Variants in SIGLEC15 observed in about 807,000 individuals in gnomAD.
SIGLEC15 encodes the protein sialic acid-binding Ig-like lectin 15.
SIGLEC15 carries 31 observed loss-of-function variants against 26.2 expected under a neutral mutation model. The observed-to-expected ratio is 1.18, with a 90% CI of 0.89 to 1.60. The LOEUF (loss-of-function observed/expected upper bound fraction) is 1.60, where lower values mean the gene tolerates loss of function less well. Ranked by LOEUF, SIGLEC15 falls within the 40% of genes most tolerant of loss-of-function variation. SIGLEC15 has a pLI of 0.00. For missense variants in SIGLEC15, 501 were observed against 488.4 expected, an observed-to-expected ratio of 1.03 and a Z score of -0.24; for synonymous variants, 207 against 221.9, an observed-to-expected ratio of 0.93 and a Z score of 0.60.
chr18:45,829,019 G>A (rs929706166), intron 1 of SIGLEC15: 12 of 888,760 alleles, frequency 1.4e-5, no homozygotes, highest in East Asian at 1.2e-4. Flanking sequence ...TATCTGGGGC[G>A]GGAAGGGGAG....
At chr18:45,831,688 C>T (rs558405546) in intron 1 of SIGLEC15, among the ~76,000 whole-genome samples, 93 of 151,762 alleles carry the variant, frequency 6.1e-4, no homozygotes, top group African/African-American at 2.1e-3. Context: ...TATACTTCAG[C>T]TGGTCCAACA....
intron 5 of SIGLEC15, 152 bp from the exon 6 acceptor site, chr18:45,841,954 C>A: frequency 1.4e-6 from 1 of 715,532 alleles, no homozygotes; most frequent in Non-Finnish European, 2.4e-6. Context: ...CTCTGCCCAG[C>A]CTCCGATGCC....
intron 3 of SIGLEC15, among the ~76,000 whole-genome samples, chr18:45,838,159 C>T (rs1234660166): frequency 1.3e-5 from 2 of 152,206 alleles, no homozygotes; most frequent in Non-Finnish European, 2.9e-5. Flanking sequence ...AGTGACTGTC[C>T]CCAGTGGCTC....
chr18:45,835,507 G>A (rs1049882969), intron 1 of SIGLEC15, among the ~76,000 whole-genome samples: 1 of 152,120 alleles, frequency 6.6e-6, no homozygotes, highest in Non-Finnish European at 1.5e-5. Flanking sequence ...CTCAGGAAGA[G>A]AAGAGAAAAA....
intron 1 of SIGLEC15, among the ~76,000 whole-genome samples, chr18:45,826,694 T>C (rs940920214): frequency 6.6e-6 from 1 of 152,146 alleles, no homozygotes. Context: ...CCTGAGCTGT[T>C]AGTCAACATT....
chr18:45,840,296 A>C, intron 5 of SIGLEC15, 55 bp downstream of exon 5: 1 of 1,558,812 alleles, frequency 6.4e-7, no homozygotes, highest in Non-Finnish European at 8.7e-7. Flanking sequence ...AGTCCTCATC[A>C]CCCAGGGGGT....
chr18:45,827,551 C>A (rs960353482), intron 1 of SIGLEC15, among the ~76,000 whole-genome samples: 1 of 152,190 alleles, frequency 6.6e-6, no homozygotes, highest in African/African-American at 2.4e-5. Context: ...CTGAAGCCCA[C>A]CTCTGCTGTT....
intron 4 of SIGLEC15, 67 bp downstream of exon 4, chr18:45,839,162 C>T (rs917940155): frequency 1.5e-6 from 2 of 1,338,758 alleles, no homozygotes; most frequent in South Asian, 2.0e-5. Context: ...TTAGATAAGA[C>T]CACCTGGCTG....
chr18:45,843,002 C>A lies in SIGLEC15; in HGVS notation c.*815C>A, dbSNP rs2048338052. The A allele has an allele frequency of 6.6e-6, 1 of 152,330 alleles. No individual in the cohort carries two copies. The highest frequency in any genetic ancestry group is 1.5e-5 in the Non-Finnish European group (1 of 68,128). 9.4% of individuals were successfully genotyped at this position (152,330 alleles called of 1,614,324 possible). ...GGATCTCCACTGTGACTGTCCCACACCCTCTGCCCAACTCTTGCCCCATCA... is the reference window on the plus strand; with the variant it reads ...GGATCTCCACTGTGACTGTCCCACAACCTCTGCCCAACTCTTGCCCCATCA... On this transcript the variant is annotated 3_prime_UTR_variant, in exon 6 of 6. Transcript: ENST00000389474.
intron 1 of SIGLEC15, among the ~76,000 whole-genome samples, chr18:45,831,526 C>T (rs955063988): frequency 3.7e-4 from 56 of 152,292 alleles, no homozygotes; most frequent in Admixed American, 3.7e-3. Flanking sequence ...GTCAACCTAA[C>T]GAGGAGGCTA....
In SIGLEC15 at chr18:45,837,620, G is replaced by A. The variant is rs1310487983; in HGVS notation, c.220G>A (p.Asp74Asn). 1.3e-6 allele frequency: 2 copies of A among 1,508,848 alleles called. No homozygotes were observed. Among genetic ancestry groups the A allele is most frequent in the East Asian group, 5.3e-5 (2 of 37,802 alleles). 93.5% of individuals were successfully genotyped at this position (1,508,848 alleles called of 1,614,324 possible). The change falls in exon 3 of 6, where the codon GAC becomes AAC. Residue 74 changes from aspartate (D) to asparagine (N), a missense_variant. Asp to Asn is a conservative substitution (Grantham distance 23). Transcript: ENST00000389474. ...CTFTHPHRHY[D>N]GPLTAIWRAG... ...CTTCACGCACCCGCACCGCCACTAC[G>A]ACGGGCCGCTGACGGCCATCTGGCG...
intron 1 of SIGLEC15, among the ~76,000 whole-genome samples, chr18:45,831,576 G>A (rs2048234859): frequency 6.6e-6 from 1 of 152,200 alleles, no homozygotes; most frequent in Admixed American, 6.5e-5. Context: ...ACCCAGCAGA[G>A]TCTCTAGCAC....
intron 1 of SIGLEC15, among the ~76,000 whole-genome samples, chr18:45,828,336 C>A (rs186737414): frequency 6.6e-5 from 10 of 152,346 alleles, no homozygotes; most frequent in Non-Finnish European, 1.2e-4. Context: ...CCATACTCGA[C>A]ACCCAGTGCC....
intron 5 of SIGLEC15, among the ~76,000 whole-genome samples, chr18:45,841,704 A>G (rs534769869): frequency 1.3e-5 from 2 of 152,222 alleles, no homozygotes; most frequent in East Asian, 3.9e-4. Flanking sequence ...AGATAAAGAC[A>G]AGAGGAGAAG....
chr18:45,826,275 C>T (rs2048184410), intron 1 of SIGLEC15, among the ~76,000 whole-genome samples: 1 of 151,986 alleles, frequency 6.6e-6, no homozygotes, highest in Non-Finnish European at 1.5e-5. Context: ...AGCAGGAATC[C>T]CAGTGGGTGA....
rs1277683718 is a variant in SIGLEC15 at position 45,837,751 on chromosome 18, G to A, written c.351G>A (p.Leu117=). ...GCCTGCACGGCCGCTTCCGGCTGCT[G>A]GGCAACCCGCGCCGCAACGACCTCT... ...ALSLHGRFRL[L]GNPRRNDLSL... Residue 117 remains leucine, a synonymous_variant, in exon 3 of 6, where the codon CTG becomes CTA. Transcript: ENST00000389474. 2 of 1,517,150 alleles carry A rather than the reference G, an allele frequency of 1.3e-6. No individual in the cohort carries two copies. Among genetic ancestry groups the A allele is most frequent in the Admixed American group, 3.9e-5 (2 of 50,666 alleles). 94.0% of individuals were successfully genotyped at this position (1,517,150 alleles called of 1,614,324 possible). A position where few individuals can be genotyped will look rare whatever the true frequency, so the allele number is the denominator to read the frequency against.
At chr18:45,831,324 A>AT (rs2145039890) in intron 1 of SIGLEC15, among the ~76,000 whole-genome samples, 1 of 152,190 alleles carries the variant, frequency 6.6e-6, no homozygotes, top group African/African-American at 2.4e-5. Flanking sequence ...TCTTTCCACT[A>AT]TTTTTTACTA....
chr18:45,828,145 C>T (rs2048201271), intron 1 of SIGLEC15, among the ~76,000 whole-genome samples: 1 of 152,190 alleles, frequency 6.6e-6, no homozygotes, highest in African/African-American at 2.4e-5. Flanking sequence ...GGAGCAGGCT[C>T]TGCTCCACCA....
chr18:45,829,742 G>A (rs557494640), intron 1 of SIGLEC15, among the ~76,000 whole-genome samples: 4 of 152,260 alleles, frequency 2.6e-5, no homozygotes, highest in Admixed American at 2.6e-4. Flanking sequence ...TCAGCCATGT[G>A]GTGGTGGCAG....
Sources: gnomAD v4.1 joint callset for allele counts (sites outside exome capture counted in the v4.1 genomes callset) on GRCh38, gnomAD v4.1.1 for gene constraint, MANE v1.5 for transcripts, NCBI Gene and HGNC (gene_info 2026-07-23, HGNC 2026-07-21) for gene names.